BICC1: variants seen among roughly 807,000 people sequenced by gnomAD.
BICC1 encodes the protein BicC family RNA binding protein 1, also known as protein bicaudal C homolog 1.
Under a neutral mutation model 111.0 loss-of-function variants are expected in BICC1, and 43 were observed. That is an observed-to-expected ratio of 0.39 (90% confidence interval 0.30 to 0.50). BICC1 has a LOEUF of 0.50. Among genes scored for constraint, BICC1 ranks in the 20% least tolerant of loss-of-function variants. The probability of loss-of-function intolerance (pLI) is 0.88; values close to 1 mark genes in which losing one functional copy is unlikely to be tolerated. For missense variants in BICC1, 1,091 were observed against 1,203.2 expected (o/e 0.91, Z 1.38); for synonymous variants, 467 against 434.4 (o/e 1.07, Z -0.93).
At chr10:58,782,741 C>A (rs1842914060) in intron 3 of BICC1, among the ~76,000 whole-genome samples, 1 of 152,134 alleles carries the variant, frequency 6.6e-6, no homozygotes, top group Admixed American at 6.6e-5. Flanking sequence ...AGGCTAGTCC[C>A]CACCCTGAGG....
At chr10:58,606,482 C>T (rs1845218675) in intron 1 of BICC1, among the ~76,000 whole-genome samples, 1 of 151,958 alleles carries the variant, frequency 6.6e-6, no homozygotes, top group African/African-American at 2.4e-5. Flanking sequence ...TTAGTGGGTG[C>T]AGCGCACCAG....
intron 1 of BICC1, among the ~76,000 whole-genome samples, chr10:58,535,783 C>T (rs999084619): frequency 2.6e-5 from 4 of 151,536 alleles, no homozygotes; most frequent in Non-Finnish European, 5.9e-5. Context: ...TACAGATTGG[C>T]AAAATGAATA....
chr10:58,769,752 A>G (rs1842572083), intron 3 of BICC1, among the ~76,000 whole-genome samples: 2 of 151,934 alleles, frequency 1.3e-5, no homozygotes, highest in African/African-American at 4.8e-5. Context: ...TTGAGATTCT[A>G]CTGTATTCAT....
rs543231909 is a variant in BICC1, at chr10:58,728,674, T to G, written c.307+26531T>G. On this transcript the variant is annotated intron_variant, in intron 3 of 20. Coordinates refer to ENST00000373886, the MANE Select transcript of BICC1 (RefSeq NM_001080512.3). ...GCAATCCATCAGAGGAATAACTGTG[T>G]CAGCTATAGTCTTACAAAATGTATT... is the stretch of plus-strand genomic sequence containing the variant. 2.6e-5 allele frequency among the ~76,000 whole-genome samples: 4 copies of G among 151,372 alleles called. No individual in the cohort carries two copies. In the Admixed American group the frequency reaches 2.7e-4, roughly 10 times the overall value.
intron 14 of BICC1, among the ~76,000 whole-genome samples, chr10:58,801,476 T>C (rs1239182862): frequency 6.6e-6 from 1 of 152,238 alleles, no homozygotes; most frequent in Non-Finnish European, 1.5e-5. Context: ...AATAAATGCT[T>C]GACATTATCA....
chr10:58,808,665 C>T (rs930680432), intron 17 of BICC1, among the ~76,000 whole-genome samples: 5 of 151,886 alleles, frequency 3.3e-5, no homozygotes, highest in Non-Finnish European at 7.4e-5. Context: ...TTGGAGAGGG[C>T]ATCCAGTGAT....
intron 3 of BICC1, among the ~76,000 whole-genome samples, chr10:58,757,512 C>T (rs1205428813): frequency 1.3e-5 from 2 of 148,328 alleles, no homozygotes; most frequent in Non-Finnish European, 3.0e-5. Context: ...GAGTCCATGC[C>T]AGAGTGGAGC....
intron 1 of BICC1, among the ~76,000 whole-genome samples, chr10:58,541,393 C>T (rs1166989153): frequency 1.3e-5 from 2 of 152,068 alleles, no homozygotes; most frequent in African/African-American, 2.4e-5. Flanking sequence ...AAGTCAGTTA[C>T]ATTTCTATAC....
intron 20 of BICC1, chr10:58,823,768 T>C: frequency 2.0e-6 from 2 of 985,374 alleles, no homozygotes; most frequent in South Asian, 9.4e-5. Flanking sequence ...GTCCCTAGCT[T>C]GAAGATGATA....
At chr10:58,756,181 A>T (rs950676858) in intron 3 of BICC1, among the ~76,000 whole-genome samples, 4 of 152,020 alleles carry the variant, frequency 2.6e-5, no homozygotes, top group African/African-American at 9.7e-5. Context: ...AGAGACTTTT[A>T]AAAAATACTC....
intron 3 of BICC1, among the ~76,000 whole-genome samples, chr10:58,731,233 A>G (rs534942986): frequency 6.6e-6 from 1 of 152,322 alleles, no homozygotes; most frequent in East Asian, 1.9e-4. Flanking sequence ...AACAAAAGTG[A>G]CTGCTGGAGT....
chr10:58,551,274 A>C (rs1843288972), intron 1 of BICC1, among the ~76,000 whole-genome samples: 1 of 152,196 alleles, frequency 6.6e-6, no homozygotes, highest in Non-Finnish European at 1.5e-5. Flanking sequence ...ATCTTTGAAC[A>C]AGAGGTTATT....
At chr10:58,581,713 A>G (rs1010179924) in intron 1 of BICC1, among the ~76,000 whole-genome samples, 1 of 152,164 alleles carries the variant, frequency 6.6e-6, no homozygotes, top group Non-Finnish European at 1.5e-5. Flanking sequence ...ATCATACTGT[A>G]TTATAAATAA....
At chr10:58,645,393 C>G (rs1476129160) in intron 2 of BICC1, among the ~76,000 whole-genome samples, 1 of 103,484 alleles carries the variant, frequency 9.7e-6, no homozygotes, top group Admixed American at 1.7e-4. Context: ...GGCGACAGAG[C>G]GAGACTCCAT....
Position 58,807,065 on chromosome 10 carries a change from G to A in BICC1, c.2283G>A (p.Leu761=). The change falls in exon 17 of 21, where the codon CTG becomes CTA. Residue 761 remains leucine, a synonymous_variant. Coordinates refer to ENST00000373886, the MANE Select transcript of BICC1 (RefSeq NM_001080512.3). The part of the protein sequence containing the change: ...VRTPTNTWSG[L]GFSKSMPAET... ...CGCCCACAAATACCTGGAGTGGCCT[G>A]GGTTTTTCTAAATCCATGCCAGCTG... 6.2e-7 allele frequency: 1 copy of A among 1,613,908 alleles called. No individual in the cohort carries two copies. The highest frequency in any genetic ancestry group is 8.5e-7 in the Non-Finnish European group (1 of 1,179,886).
In BICC1 at chr10:58,800,252, G is replaced by C; in HGVS notation, c.1784G>C (p.Ser595Thr). The change falls in exon 13 of 21, where the codon AGT becomes ACT. Residue 595 changes from serine to threonine, a missense_variant. Physicochemically the swap from Ser to Thr is moderately conservative, Grantham distance 58. Coordinates refer to ENST00000373886, the MANE Select transcript of BICC1 (RefSeq NM_001080512.3). ...STSSLGEKVLSANHGDPSIQT... is the reference protein window; with the variant it reads ...STSSLGEKVLTANHGDPSIQT... The stretch of plus-strand genomic sequence containing the variant: ...TCATCACTTGGAGAAAAAGTGCTGA[G>C]TGCAAATCACGGGGATCCGTCCATC... The C allele has an allele frequency of 6.2e-7, 1 of 1,613,222 alleles. No homozygotes were observed. The highest frequency in any genetic ancestry group is 8.5e-7 in the Non-Finnish European group (1 of 1,179,400).
chr10:58,694,223 C>T (rs1343375260), intron 2 of BICC1, among the ~76,000 whole-genome samples: 1 of 152,100 alleles, frequency 6.6e-6, no homozygotes, highest in Non-Finnish European at 1.5e-5. Context: ...TGGTCAGTTT[C>T]CCCTTTTGAT....
chr10:58,521,943 T>C (rs964553607), intron 1 of BICC1, among the ~76,000 whole-genome samples: 1 of 151,822 alleles, frequency 6.6e-6, no homozygotes, highest in African/African-American at 2.4e-5. Flanking sequence ...TTGAGAAACA[T>C]TGCAAGGTGG....
intron 3 of BICC1, among the ~76,000 whole-genome samples, chr10:58,725,793 C>G (rs1047545200): frequency 1.3e-5 from 2 of 152,112 alleles, no homozygotes; most frequent in African/African-American, 2.4e-5. Flanking sequence ...GGGAGACATC[C>G]CAGAGGCTGA....
Sources: gnomAD v4.1 joint callset for allele counts (sites outside exome capture counted in the v4.1 genomes callset) on GRCh38, gnomAD v4.1.1 for gene constraint, MANE v1.5 for transcripts, NCBI Gene and HGNC (gene_info 2026-07-23, HGNC 2026-07-21) for gene names.